CHN2: variants seen among roughly 807,000 people sequenced by gnomAD.
CHN2 encodes the protein chimerin 2, also known as beta-chimaerin.
In CHN2, 35 loss-of-function variants were observed where a neutral mutation model predicts 56.3. The ratio of observed to expected loss-of-function variants is 0.62; its 90% CI spans 0.47 to 0.82. The LOEUF (loss-of-function observed/expected upper bound fraction) is 0.82. CHN2 is among the 40% of genes least tolerant of loss of function. The pLI, the probability that CHN2 is intolerant of heterozygous loss-of-function variation, is 0.00. For missense variants in CHN2, 491 were observed against 580.5 expected (o/e 0.85, Z 1.58); for synonymous variants, 210 against 212.8 (o/e 0.99, Z 0.12).
intron 2 of CHN2, among the ~76,000 whole-genome samples, chr7:29,177,533 C>T (rs1459641946): frequency 6.6e-6 from 1 of 151,294 alleles, no homozygotes; most frequent in Non-Finnish European, 1.5e-5. Flanking sequence ...GGATTACAGG[C>T]ATGACCCACC....
intron 3 of CHN2, 83 bp downstream of exon 3, chr7:29,368,070 T>G (rs1799313403): frequency 2.6e-6 from 3 of 1,134,978 alleles, no homozygotes; most frequent in Non-Finnish European, 3.6e-6. Flanking sequence ...GATTTCAGGT[T>G]TCCTGGGAGT....
At chr7:29,165,573 C>T (rs1235759782) in intron 2 of CHN2, among the ~76,000 whole-genome samples, 1 of 151,974 alleles carries the variant, frequency 6.6e-6, no homozygotes, top group Non-Finnish European at 1.5e-5. Context: ...ATACATTTGC[C>T]ATAATCTTTG....
chr7:29,508,089 C>T (rs759982761), intron 11 of CHN2, among the ~76,000 whole-genome samples: 5 of 152,216 alleles, frequency 3.3e-5, no homozygotes, highest in African/African-American at 4.8e-5. Flanking sequence ...TTAATTCTCT[C>T]ATGTACCCCA....
At chr7:29,491,332 T>A (rs1258356463) in intron 7 of CHN2, among the ~76,000 whole-genome samples, 1 of 152,200 alleles carries the variant, frequency 6.6e-6, no homozygotes, top group East Asian at 1.9e-4. Flanking sequence ...TCACTGTACT[T>A]TTCTATTGCA....
At chr7:29,173,574 C>T (rs907685525) in intron 2 of CHN2, among the ~76,000 whole-genome samples, 1 of 152,072 alleles carries the variant, frequency 6.6e-6, no homozygotes, top group African/African-American at 2.4e-5. Context: ...GGATAAAAAG[C>T]ATCTCTAATG....
At chr7:29,483,765 A>C (rs1787625581) in intron 7 of CHN2, 1 of 1,118,060 alleles carries the variant, frequency 8.9e-7, no homozygotes, top group Non-Finnish European at 1.1e-6. Flanking sequence ...CAGGCCAGCC[A>C]ACCCCAGAGG....
intron 1 of CHN2, among the ~76,000 whole-genome samples, chr7:29,330,576 G>T (rs1796138757): frequency 6.6e-6 from 1 of 152,302 alleles, no homozygotes; most frequent in Admixed American, 6.5e-5. Context: ...GTTCTTGGAT[G>T]TTGTGTATAA....
chr7:29,290,510 C>A (rs1003129628), intron 1 of CHN2, among the ~76,000 whole-genome samples: 1 of 152,146 alleles, frequency 6.6e-6, no homozygotes, highest in South Asian at 2.1e-4. Flanking sequence ...TCACACACAG[C>A]CACATATCTA....
Position 29,314,562 on chromosome 7 carries a change from G to A in CHN2, c.50-40063G>A, listed in dbSNP as rs143545583. ...TTGTCACAATGAAAAATAAAATTAAGTGTAAAACTATTTTAACCTGGAAGA... is the reference window on the plus strand; with the variant it reads ...TTGTCACAATGAAAAATAAAATTAAATGTAAAACTATTTTAACCTGGAAGA... On this transcript the variant is annotated intron_variant, in intron 1 of 12. Transcript: ENST00000222792. 8.1e-4 allele frequency among the ~76,000 whole-genome samples: 123 copies of A among 152,208 alleles called. 1 individual carries two copies. In the East Asian group the frequency reaches 0.021, roughly 27 times the overall value.
At chr7:29,311,995 A>G (rs1182577677) in intron 1 of CHN2, among the ~76,000 whole-genome samples, 2 of 152,170 alleles carry the variant, frequency 1.3e-5, no homozygotes, top group African/African-American at 2.4e-5. Context: ...TCCTGTATCC[A>G]TGCTTCTCTA....
intron 6 of CHN2, among the ~76,000 whole-genome samples, chr7:29,467,841 G>A (rs1326795714): frequency 6.6e-6 from 1 of 152,140 alleles, no homozygotes; most frequent in Non-Finnish European, 1.5e-5. Flanking sequence ...TGAGAAAATG[G>A]TTAACCTGCC....
At chr7:29,290,591 C>T (rs956326214) in intron 1 of CHN2, among the ~76,000 whole-genome samples, 5 of 152,156 alleles carry the variant, frequency 3.3e-5, no homozygotes, top group African/African-American at 1.2e-4. Flanking sequence ...ACTTGTGTGC[C>T]ACCATGAATA....
intron 4 of CHN2, among the ~76,000 whole-genome samples, chr7:29,394,543 C>G (rs1005699982): frequency 6.6e-6 from 1 of 152,210 alleles, no homozygotes; most frequent in African/African-American, 2.4e-5. Flanking sequence ...GTCCCAGCCC[C>G]GTGCACCTTC....
At position 29,409,371 on chromosome 7, in the gene CHN2, T is replaced by A. The variant is rs1029770332; in HGVS notation, c.576+8543T>A. ...TTTATTAATTCTTTCAACATAATAG[T>A]AATAAACCTATTATGTGTTAGTATG... On this transcript the variant is annotated intron_variant, in intron 6 of 12. Coordinates refer to ENST00000222792, the MANE Select transcript of CHN2 (RefSeq NM_004067.4). Among the ~76,000 whole-genome samples the A allele has an allele frequency of 1.5e-4, 23 of 152,256 alleles. 1 individual carries two copies. The highest frequency in any genetic ancestry group is 1.5e-4 in the Non-Finnish European group (10 of 68,042).
chr7:29,156,342 G>T (rs900791113), intron 2 of CHN2, among the ~76,000 whole-genome samples: 1 of 152,050 alleles, frequency 6.6e-6, no homozygotes, highest in Non-Finnish European at 1.5e-5. Flanking sequence ...ATTAAGCTTG[G>T]TACTTCTCTA....
chr7:29,288,066 CTA>C (rs1188801150), intron 1 of CHN2, among the ~76,000 whole-genome samples: 1 of 151,936 alleles, frequency 6.6e-6, no homozygotes, highest in Non-Finnish European at 1.5e-5. Context: ...AAAAAATAAA[CTA>C]TGAAAAATTA....
intron 3 of CHN2, among the ~76,000 whole-genome samples, chr7:29,385,377 T>C (rs1800835941): frequency 1.3e-5 from 2 of 152,180 alleles, no homozygotes; most frequent in Non-Finnish European, 2.9e-5. Context: ...ATTGACCTTT[T>C]AGGGGGATAA....
intron 1 of CHN2, chr7:29,332,786 G>C (rs1796322590): frequency 6.6e-6 from 1 of 152,114 alleles, no homozygotes; most frequent in Admixed American, 6.5e-5. Flanking sequence ...TTTAAGGCAA[G>C]CTAAATGGTG....
intron 1 of CHN2, among the ~76,000 whole-genome samples, chr7:29,285,985 A>T (rs1792107889): frequency 6.6e-6 from 1 of 152,146 alleles, no homozygotes; most frequent in South Asian, 2.1e-4. Flanking sequence ...CAACTCATAA[A>T]GGTACCACCA....
Sources: allele counts gnomAD v4.1 joint callset (sites outside exome capture counted in the v4.1 genomes callset), GRCh38; gene constraint gnomAD v4.1.1; transcripts MANE v1.5; gene names NCBI Gene and HGNC (gene_info 2026-07-23, HGNC 2026-07-21).